CNTN6: variants seen among roughly 807,000 people sequenced by gnomAD.
The protein encoded by CNTN6 is contactin 6, also known as contactin-6.
Under a neutral mutation model 122.8 loss-of-function variants are expected in CNTN6, and 137 were observed. The ratio of observed to expected loss-of-function variants is 1.12; its 90% CI spans 0.97 to 1.29. CNTN6 has a LOEUF of 1.29. Ranked by LOEUF, CNTN6 falls within the 50% of genes most tolerant of loss-of-function variation. CNTN6 has a pLI of 0.00. For missense variants in CNTN6, 1,634 were observed against 1,223.4 expected, an observed-to-expected ratio of 1.34 and a Z score of -5.01; for synonymous variants, 570 against 426.0, an observed-to-expected ratio of 1.34 and a Z score of -4.16.
chr3:1,402,390 G>A lies in CNTN6; in HGVS notation c.2890G>A (p.Val964Ile). The A allele has an allele frequency of 6.2e-7, 1 of 1,612,494 alleles. No individual in the cohort carries two copies. Among genetic ancestry groups the A allele is most frequent in the Non-Finnish European group, 8.5e-7 (1 of 1,179,016 alleles). ...AAACAATACATCAGCTGAGCTTCTG[G>A]TTCCATTTGAAGAAGACTACTTAAT... ...ETNNTSAELL[V>I]PFEEDYLIEI... Residue 964 changes from valine (V) to isoleucine (I), a missense_variant, in exon 22 of 23, where the codon GTT becomes ATT. Physicochemically the swap from Val to Ile is conservative, Grantham distance 29 (BLOSUM62 3). Transcript: ENST00000446702.
intron 7 of CNTN6, among the ~76,000 whole-genome samples, chr3:1,303,907 T>A (rs1381476119): frequency 2.0e-5 from 3 of 152,176 alleles, no homozygotes; most frequent in Non-Finnish European, 2.9e-5. Flanking sequence ...ATGCTTCAAA[T>A]GTTCACCAAG....
chr3:1,363,076 TGA>T (rs1707711344), intron 12 of CNTN6, among the ~76,000 whole-genome samples: 1 of 151,586 alleles, frequency 6.6e-6, no homozygotes, highest in Non-Finnish European at 1.5e-5. Flanking sequence ...AAACAAAACC[TGA>T]GAGAATCCCC....
chr3:1,107,001 C>T (rs756693436), intron 1 of CNTN6, among the ~76,000 whole-genome samples: 12 of 152,140 alleles, frequency 7.9e-5, no homozygotes, highest in Admixed American at 2.6e-4. Flanking sequence ...TATGAATTTT[C>T]CCTTTCTCCA....
At chr3:1,331,975 C>G (rs1036528169) in intron 11 of CNTN6, among the ~76,000 whole-genome samples, 4 of 151,920 alleles carry the variant, frequency 2.6e-5, no homozygotes, top group Non-Finnish European at 5.9e-5. Context: ...ACCACAGTTA[C>G]TAATAATCAT....
At chr3:1,266,949 C>CTT (rs1036704755) in intron 4 of CNTN6, among the ~76,000 whole-genome samples, 4,144 of 90,316 alleles carry the variant, frequency 0.046, 79 homozygotes, top group Non-Finnish European at 0.059. Context: ...CAGCCTGGCC[C>CTT]TTTTTTTTTT....
At chr3:1,282,708 C>T (rs961830343) in intron 5 of CNTN6, among the ~76,000 whole-genome samples, 1 of 152,178 alleles carries the variant, frequency 6.6e-6, no homozygotes, top group African/African-American at 2.4e-5. Flanking sequence ...TTAAACGTCT[C>T]CTTCATTCCT....
At chr3:1,387,255 A>C (rs1335598585) in intron 20 of CNTN6, among the ~76,000 whole-genome samples, 4 of 152,212 alleles carry the variant, frequency 2.6e-5, no homozygotes, top group African/African-American at 9.6e-5. Flanking sequence ...TTTTGAACCA[A>C]ATTTCCTCCA....
At chr3:1,241,143 T>G (rs1394389459) in intron 4 of CNTN6, among the ~76,000 whole-genome samples, 2 of 152,138 alleles carry the variant, frequency 1.3e-5, no homozygotes, top group African/African-American at 4.8e-5. Flanking sequence ...TGTTTTTACT[T>G]CTTTTGTGGA....
intron 2 of CNTN6, among the ~76,000 whole-genome samples, chr3:1,188,298 T>G (rs2093656613): frequency 6.6e-6 from 1 of 152,186 alleles, no homozygotes; most frequent in East Asian, 1.9e-4. Flanking sequence ...ACTGAAAGAA[T>G]TCTTACAAGG....
chr3:1,335,465 T>C lies in CNTN6; in HGVS notation c.1364+5530T>C, dbSNP rs1034120500. Among the ~76,000 whole-genome samples, 16 of 152,138 alleles carry C rather than the reference T, an allele frequency of 1.1e-4. 1 individual carries two copies. On this transcript the variant is annotated intron_variant, in intron 11 of 22. Coordinates refer to ENST00000446702, the MANE Select transcript of CNTN6 (RefSeq NM_001289080.2). ...TTCTTTTTTTCCTTGTGGATCTACT[T>C]AGCAAGTGAACTGACAGAAATCAAA...
intron 4 of CNTN6, among the ~76,000 whole-genome samples, chr3:1,276,239 C>T (rs1692336705): frequency 6.6e-6 from 1 of 152,052 alleles, no homozygotes; most frequent in African/African-American, 2.4e-5. Flanking sequence ...TAACAGGATG[C>T]TTATATTAGT....
intron 12 of CNTN6, among the ~76,000 whole-genome samples, chr3:1,364,817 A>T (rs1707978891): frequency 6.6e-6 from 1 of 151,970 alleles, no homozygotes; most frequent in Non-Finnish European, 1.5e-5. Context: ...TATTCATCAA[A>T]AGCGTCACAT....
chr3:1,229,935 A>G (rs2094332766), intron 4 of CNTN6, among the ~76,000 whole-genome samples: 1 of 152,168 alleles, frequency 6.6e-6, no homozygotes, highest in African/African-American at 2.4e-5. Context: ...TTAGGCTCTA[A>G]GAGCTTGCAA....
chr3:1,402,055 A>C (rs1177873854), intron 21 of CNTN6, among the ~76,000 whole-genome samples: 1 of 151,990 alleles, frequency 6.6e-6, no homozygotes, highest in Non-Finnish European at 1.5e-5. Context: ...TTCCACAGCA[A>C]GCTCCAATGA....
intron 3 of CNTN6, among the ~76,000 whole-genome samples, chr3:1,226,304 C>T (rs1334364849): frequency 4.6e-5 from 7 of 151,926 alleles, no homozygotes; most frequent in African/African-American, 1.5e-4. Context: ...CTAAAAAACA[C>T]AGTTTGGAAA....
intron 2 of CNTN6, among the ~76,000 whole-genome samples, chr3:1,175,155 G>A (rs1227376639): frequency 6.7e-6 from 1 of 150,190 alleles, no homozygotes; most frequent in African/African-American, 2.4e-5. Flanking sequence ...TTGCTTGAGG[G>A]TGGGAGGCCC....
intron 7 of CNTN6, among the ~76,000 whole-genome samples, chr3:1,304,503 C>T (rs75324449): frequency 0.015 from 2,221 of 152,156 alleles, 65 homozygotes; most frequent in African/African-American, 0.05. Context: ...AAGTATCTGA[C>T]TTACTTAATC....
At chr3:1,138,627 A>G (rs1337148190) in intron 1 of CNTN6, among the ~76,000 whole-genome samples, 1 of 152,040 alleles carries the variant, frequency 6.6e-6, no homozygotes, top group Non-Finnish European at 1.5e-5. Flanking sequence ...TTTTTCCTCT[A>G]CCACTCTAAT....
chr3:1,352,906 C>T (rs924048416), intron 12 of CNTN6, among the ~76,000 whole-genome samples: 4 of 151,802 alleles, frequency 2.6e-5, no homozygotes, highest in African/African-American at 9.6e-5. Flanking sequence ...TGCAGGGTCA[C>T]AACCTTTAGT....
Sources: gnomAD v4.1 joint callset for allele counts (sites outside exome capture counted in the v4.1 genomes callset) on GRCh38, gnomAD v4.1.1 for gene constraint, MANE v1.5 for transcripts, NCBI Gene and HGNC (gene_info 2026-07-23, HGNC 2026-07-21) for gene names.